Variants in PLPP1 observed in about 807,000 individuals in gnomAD.
The protein encoded by PLPP1 is lipid phosphate phosphohydrolase 1a.
Under a neutral mutation model 31.2 loss-of-function variants are expected in PLPP1, and 24 were observed. The ratio of observed to expected loss-of-function variants is 0.77; its 90% confidence interval spans 0.56 to 1.08. The LOEUF (loss-of-function observed/expected upper bound fraction) is 1.08, where lower values mean the gene tolerates loss of function less well. Among genes scored for constraint, PLPP1 ranks in the 50% least tolerant of loss-of-function variants. PLPP1 has a pLI of 0.00. For synonymous variants in PLPP1, 146 were observed against 126.3 expected (o/e 1.16, Z -1.05); for missense variants, 319 against 342.7 (o/e 0.93, Z 0.55).
chr5:55,475,212 G>C, intron 2 of PLPP1, 87 bp downstream of exon 2: 1 of 1,160,986 alleles, frequency 8.6e-7, no homozygotes, highest in Non-Finnish European at 1.2e-6. Context: ...GTTTTTGGAG[G>C]ATTACACATT....
intron 1 of PLPP1, among the ~76,000 whole-genome samples, chr5:55,482,642 C>G (rs1752695281): frequency 6.6e-6 from 1 of 152,154 alleles, no homozygotes; most frequent in Admixed American, 6.5e-5. Flanking sequence ...ATACCAGCTT[C>G]CTGAACCAGT....
intron 1 of PLPP1, among the ~76,000 whole-genome samples, chr5:55,529,860 A>G (rs549368286): frequency 2.0e-5 from 3 of 152,332 alleles, no homozygotes; most frequent in Admixed American, 2.0e-4. Flanking sequence ...CAACATAATG[A>G]AAAATTCAAG....
At chr5:55,449,170 A>T (rs1037618836) in intron 3 of PLPP1, among the ~76,000 whole-genome samples, 2 of 152,236 alleles carry the variant, frequency 1.3e-5, no homozygotes, top group African/African-American at 4.8e-5. Context: ...TTTAAATGTT[A>T]CTTATTTAAT....
intron 1 of PLPP1, among the ~76,000 whole-genome samples, chr5:55,515,152 A>G (rs1187889583): frequency 6.6e-6 from 1 of 152,244 alleles, no homozygotes; most frequent in Non-Finnish European, 1.5e-5. Context: ...TCTTTCCGCT[A>G]TACTTGGTGA....
intron 3 of PLPP1, among the ~76,000 whole-genome samples, chr5:55,460,341 G>A (rs1356347623): frequency 6.6e-6 from 1 of 151,790 alleles, no homozygotes; most frequent in East Asian, 1.9e-4. Context: ...AAATGAAACT[G>A]AACACAAAAA....
At chr5:55,475,885 T>C (rs1237545007) in intron 1 of PLPP1, among the ~76,000 whole-genome samples, 2 of 152,194 alleles carry the variant, frequency 1.3e-5, no homozygotes, top group African/African-American at 4.8e-5. Flanking sequence ...CTGGCTAAGC[T>C]ATCAGAGTAT....
chr5:55,508,910 G>A (rs1447417771), intron 1 of PLPP1: 1 of 154,134 alleles, frequency 6.5e-6, no homozygotes, highest in East Asian at 1.9e-4. Flanking sequence ...GAAGATTTCA[G>A]AGTCAGATAA....
rs868405865 is a variant in PLPP1 at position 55,510,000 on chromosome 5, G to C, written c.58+24572C>G. ...AAGCAAGGAGATAACTGAGGTAAAG[G>C]GTACTGGGAGAGACAGCTGATTTTT... On this transcript the variant is annotated intron_variant, in intron 1 of 5. Coordinates refer to ENST00000307259, the MANE Select transcript of PLPP1 (RefSeq NM_003711.4). Among the ~76,000 whole-genome samples the C allele has an allele frequency of 7.9e-5, 12 of 152,292 alleles. 1 individual carries two copies. The highest frequency in any genetic ancestry group is 1.3e-4 in the Non-Finnish European group (9 of 68,026).
intron 1 of PLPP1, among the ~76,000 whole-genome samples, chr5:55,479,023 A>ATT (rs11352656): frequency 2.4e-4 from 32 of 133,102 alleles, no homozygotes; most frequent in African/African-American, 6.3e-4. Context: ...AGCCTATGAG[A>ATT]TTTTTTTTTT....
chr5:55,481,474 A>G (rs540902627), intron 1 of PLPP1, among the ~76,000 whole-genome samples: 5 of 152,238 alleles, frequency 3.3e-5, no homozygotes, highest in African/African-American at 4.8e-5. Flanking sequence ...GCAAATCACT[A>G]AGGGATACAC....
At chr5:55,471,014 TTA>T (rs1752401815) in intron 2 of PLPP1, among the ~76,000 whole-genome samples, 2 of 152,286 alleles carry the variant, frequency 1.3e-5, no homozygotes, top group African/African-American at 4.8e-5. Flanking sequence ...CAAGATCATT[TTA>T]TATGTTTCTA....
chr5:55,519,705 G>A lies in PLPP1; in HGVS notation c.58+14867C>T, dbSNP rs530458586. ...CTGGCGGTTGCAGTGAGCCAAGATC[G>A]CGCCATTGCACTCCAGCCTGGACAA... On this transcript the variant is annotated intron_variant, in intron 1 of 5. Coordinates refer to ENST00000307259, the MANE Select transcript of PLPP1 (RefSeq NM_003711.4). Among the ~76,000 whole-genome samples, 25 of 150,732 alleles carry A rather than the reference G, an allele frequency of 1.7e-4. No individual in the cohort carries two copies. In the South Asian group the frequency reaches 1.7e-3, roughly 10 times the overall value.
intron 1 of PLPP1, among the ~76,000 whole-genome samples, chr5:55,517,190 C>CT (rs1386209606): frequency 6.6e-6 from 1 of 151,986 alleles, no homozygotes. Flanking sequence ...TCAAATATTT[C>CT]TTTTTTTACT....
chr5:55,511,307 C>T (rs1367885557), intron 1 of PLPP1, among the ~76,000 whole-genome samples: 2 of 152,128 alleles, frequency 1.3e-5, no homozygotes, highest in African/African-American at 4.8e-5. Flanking sequence ...GGACGTTGTA[C>T]ACAGCATAAT....
chr5:55,490,542 C>T (rs936368982), intron 1 of PLPP1, among the ~76,000 whole-genome samples: 1 of 152,074 alleles, frequency 6.6e-6, no homozygotes, highest in African/African-American at 2.4e-5. Flanking sequence ...ATTTAATATG[C>T]AAACGTTTTC....
chr5:55,503,912 A>G (rs1242785265), intron 1 of PLPP1, among the ~76,000 whole-genome samples: 1 of 55,840 alleles, frequency 1.8e-5, no homozygotes, highest in South Asian at 9.3e-4. Flanking sequence ...GGGGGGAGGA[A>G]GGGGGGGGAG....
intron 1 of PLPP1, among the ~76,000 whole-genome samples, chr5:55,519,650 C>T (rs547930946): frequency 1.1e-4 from 16 of 150,990 alleles, no homozygotes; most frequent in African/African-American, 3.2e-4. Flanking sequence ...CTCAGGAGGC[C>T]GAGGCAAGAG....
At chr5:55,427,746 C>G (rs1751242384) in intron 4 of PLPP1, among the ~76,000 whole-genome samples, 1 of 145,970 alleles carries the variant, frequency 6.9e-6, no homozygotes, top group African/African-American at 2.6e-5. Flanking sequence ...TTAACATTAT[C>G]AATAATCAAC....
chr5:55,496,945 CA>C (rs1480833312), intron 1 of PLPP1, among the ~76,000 whole-genome samples: 7 of 152,012 alleles, frequency 4.6e-5, no homozygotes, highest in African/African-American at 7.2e-5. Context: ...TAAAGTAAAT[CA>C]ATGTTAATCC....
Sources: gnomAD v4.1 joint callset for allele counts (sites outside exome capture counted in the v4.1 genomes callset) on GRCh38, gnomAD v4.1.1 for gene constraint, MANE v1.5 for transcripts, NCBI Gene and HGNC (gene_info 2026-07-23, HGNC 2026-07-21) for gene names.